CACNA2D2: variants seen among roughly 807,000 people sequenced by gnomAD.
CACNA2D2 encodes the protein calcium voltage-gated channel auxiliary subunit alpha2delta 2, also known as voltage-dependent calcium channel subunit alpha-2/delta-2.
In CACNA2D2, 48 loss-of-function variants were observed where a neutral mutation model predicts 166.4. The ratio of observed to expected loss-of-function variants is 0.29; its 90% CI spans 0.23 to 0.37. The LOEUF is 0.37. Ranked by LOEUF, CACNA2D2 falls within the 10% of genes least tolerant of loss-of-function variation. The probability of loss-of-function intolerance (pLI) is 1.00; values close to 1 mark genes in which losing one functional copy is unlikely to be tolerated. For missense variants in CACNA2D2, 1,122 were observed against 1,433.0 expected (o/e 0.78, Z 3.50); for synonymous variants, 561 against 573.7 (o/e 0.98, Z 0.32).
intron 1 of CACNA2D2, among the ~76,000 whole-genome samples, chr3:50,501,140 C>G (rs997963358): frequency 1.5e-4 from 23 of 152,196 alleles, no homozygotes; most frequent in Admixed American, 6.5e-4. Flanking sequence ...TCACCCATCC[C>G]TGAGCAGCCC....
intron 2 of CACNA2D2, among the ~76,000 whole-genome samples, chr3:50,470,574 T>A (rs1283114213): frequency 2.5e-5 from 2 of 78,606 alleles, no homozygotes; most frequent in East Asian, 4.1e-4. Context: ...AGCAACAGAG[T>A]GTGTGTGTAT....
At chr3:50,407,889 G>T (rs963421572) in intron 3 of CACNA2D2, among the ~76,000 whole-genome samples, 1 of 152,228 alleles carries the variant, frequency 6.6e-6, no homozygotes, top group East Asian at 1.9e-4. Context: ...CAAAGATGTG[G>T]GGGTAGGAAG....
chr3:50,413,576 GT>G (rs1707129264), intron 3 of CACNA2D2, among the ~76,000 whole-genome samples: 1 of 152,172 alleles, frequency 6.6e-6, no homozygotes, highest in Admixed American at 6.5e-5. Flanking sequence ...GCTGAGCATG[GT>G]GGCTCACCCC....
intron 3 of CACNA2D2, among the ~76,000 whole-genome samples, chr3:50,417,607 C>T (rs1442003601): frequency 5.3e-5 from 8 of 152,138 alleles, no homozygotes; most frequent in African/African-American, 1.2e-4. Flanking sequence ...GTAGGTGGGG[C>T]GCAGGCCCAG....
intron 2 of CACNA2D2, among the ~76,000 whole-genome samples, chr3:50,450,635 T>C (rs912843448): frequency 2.0e-5 from 3 of 150,328 alleles, no homozygotes; most frequent in African/African-American, 4.8e-5. Context: ...TTGCCTCCAA[T>C]CTTCTTTTAT....
At chr3:50,457,839 G>A (rs1709429414) in intron 2 of CACNA2D2, among the ~76,000 whole-genome samples, 1 of 152,202 alleles carries the variant, frequency 6.6e-6, no homozygotes, top group Admixed American at 6.5e-5. Context: ...AGCTTCAGAA[G>A]AAGCTCAATC....
In CACNA2D2 at chr3:50,380,109, T is replaced by C; in HGVS notation, c.843-91A>G. The C allele has an allele frequency of 7.5e-7, 1 of 1,331,084 alleles. No homozygotes were observed. Among genetic ancestry groups the C allele is most frequent in the East Asian group, 2.3e-5 (1 of 42,858 alleles). The allele number at this position is 1,331,084 out of a possible 1,614,324, so 82.5% of individuals were successfully genotyped here. On this transcript the variant is annotated intron_variant, in intron 8 of 37. Transcript: ENST00000424201. This position sits in a 1 kb window ranked among gnomAD's most constrained non-coding sequence, Gnocchi z 4.9. The stretch of plus-strand genomic sequence containing the variant: ...CATACATATTGATTCAATACATTTC[T>C]CTTGAGCATGCACTGTGTGGGCCAG...
intron 1 of CACNA2D2, among the ~76,000 whole-genome samples, chr3:50,498,536 A>G (rs1698818281): frequency 6.6e-6 from 1 of 152,142 alleles, no homozygotes; most frequent in African/African-American, 2.4e-5. Context: ...GGCCTGGCCC[A>G]TAACTCAAAG....
At chr3:50,407,294 C>A (rs1173547954) in intron 3 of CACNA2D2, among the ~76,000 whole-genome samples, 1 of 151,850 alleles carries the variant, frequency 6.6e-6, no homozygotes, top group Non-Finnish European at 1.5e-5. Flanking sequence ...CCAGATCTCT[C>A]TCCTGTTTAA....
chr3:50,494,319 A>C (rs905022547), intron 1 of CACNA2D2, among the ~76,000 whole-genome samples: 1 of 152,120 alleles, frequency 6.6e-6, no homozygotes, highest in Non-Finnish European at 1.5e-5. Flanking sequence ...CCTGACCTTT[A>C]AGGCTTCAAA....
At chr3:50,383,194 G>A (rs1332911944) in intron 6 of CACNA2D2, among the ~76,000 whole-genome samples, 1 of 152,226 alleles carries the variant, frequency 6.6e-6, no homozygotes, top group Non-Finnish European at 1.5e-5. Flanking sequence ...ACTGGCTCGG[G>A]CAGGTGGCCT....
intron 3 of CACNA2D2, among the ~76,000 whole-genome samples, chr3:50,396,781 A>G (rs891224408): frequency 1.3e-5 from 2 of 152,122 alleles, no homozygotes; most frequent in African/African-American, 4.8e-5. Context: ...CTGGTGACCT[A>G]CTACCTTCCC....
chr3:50,438,462 G>T (rs776267721), intron 2 of CACNA2D2, among the ~76,000 whole-genome samples: 2 of 152,126 alleles, frequency 1.3e-5, no homozygotes, highest in African/African-American at 2.4e-5. Flanking sequence ...TAGAAGCCCC[G>T]AACCCTCTGC....
intron 2 of CACNA2D2, among the ~76,000 whole-genome samples, chr3:50,439,857 T>TAGTG (rs1470434215): frequency 1.3e-5 from 2 of 152,150 alleles, no homozygotes; most frequent in East Asian, 3.9e-4. Flanking sequence ...TGGCGACAGG[T>TAGTG]AGTGACCAGT....
intron 2 of CACNA2D2, among the ~76,000 whole-genome samples, chr3:50,448,420 C>T (rs1005225196): frequency 1.3e-5 from 2 of 152,248 alleles, no homozygotes; most frequent in Admixed American, 1.3e-4. Flanking sequence ...TGTATCTGTA[C>T]ATGTATGTAG....
At chr3:50,464,348 A>G (rs1488956206) in intron 2 of CACNA2D2, among the ~76,000 whole-genome samples, 1 of 152,208 alleles carries the variant, frequency 6.6e-6, no homozygotes, top group Non-Finnish European at 1.5e-5. Flanking sequence ...TTGAGTGTGC[A>G]CATTCCTGGA....
chr3:50,376,287 A>G lies in CACNA2D2; in HGVS notation c.1627-99T>C, dbSNP rs1704987642. 3 of 1,269,074 alleles carry G rather than the reference A, an allele frequency of 2.4e-6. No individual in the cohort carries two copies. Among genetic ancestry groups the G allele is most frequent in the Non-Finnish European group, 3.3e-6 (3 of 902,030 alleles). 78.6% of individuals were successfully genotyped at this position (1,269,074 alleles called of 1,614,324 possible). On this transcript the variant is annotated intron_variant, in intron 17 of 37. Coordinates refer to ENST00000424201, the MANE Select transcript of CACNA2D2 (RefSeq NM_006030.4). The surrounding 1 kb of genome is among the most constrained non-coding windows in gnomAD (Gnocchi z 4.3). Reference sequence around the variant, plus strand: ...ATTTGGCCTCCCACCGCACCGAGAGATTCTGTTTGCCTGCCTTGGGCTAAG... The same window carrying G: ...ATTTGGCCTCCCACCGCACCGAGAGGTTCTGTTTGCCTGCCTTGGGCTAAG...
chr3:50,365,560 C>G lies in CACNA2D2; in HGVS notation c.2971+73G>C. ...CGGCCTCCCTCAGTCGTAGACCCCACCCTCCCCATGGAGTCGTCTTAGCTC... is the reference window on the plus strand; with the variant it reads ...CGGCCTCCCTCAGTCGTAGACCCCAGCCTCCCCATGGAGTCGTCTTAGCTC... On this transcript the variant is annotated intron_variant, in intron 34 of 37. Transcript: ENST00000424201. This position sits in a 1 kb window ranked among gnomAD's most constrained non-coding sequence, Gnocchi z 4.5. 6.3e-7 allele frequency: 1 copy of G among 1,587,272 alleles called. No individual in the cohort carries two copies.
intron 2 of CACNA2D2, among the ~76,000 whole-genome samples, chr3:50,455,378 C>T (rs962513233): frequency 2.0e-5 from 3 of 152,178 alleles, no homozygotes; most frequent in African/African-American, 7.2e-5. Flanking sequence ...TACAGGGAGA[C>T]GTCAAAGCCG....
Sources: allele counts gnomAD v4.1 joint callset (sites outside exome capture counted in the v4.1 genomes callset), GRCh38; gene constraint gnomAD v4.1.1; non-coding constraint Gnocchi (gnomAD v3.1); transcripts MANE v1.5; gene names NCBI Gene and HGNC (gene_info 2026-07-23, HGNC 2026-07-21).